The following TRABD2B variants were observed in gnomAD, a reference collection of about 807,000 sequenced individuals.
The protein encoded by TRABD2B is metalloprotease TIKI2.
Under a neutral mutation model 40.1 loss-of-function variants are expected in TRABD2B, and 14 were observed. The observed-to-expected ratio is 0.35, with a 90% confidence interval of 0.23 to 0.55. TRABD2B has a LOEUF of 0.55. Ranked by LOEUF, TRABD2B falls within the 20% of genes least tolerant of loss-of-function variation. TRABD2B has a pLI of 0.90. For missense variants in TRABD2B, 541 were observed against 648.6 expected, an observed-to-expected ratio of 0.83 and a Z score of 1.80; for synonymous variants, 263 against 277.0, an observed-to-expected ratio of 0.95 and a Z score of 0.50.
chr1:47,911,554 G>A (rs546310859), intron 2 of TRABD2B, among the ~76,000 whole-genome samples: 1 of 152,238 alleles, frequency 6.6e-6, no homozygotes, highest in Non-Finnish European at 1.5e-5. Context: ...AGTTCTGTAA[G>A]CGACACTCAC....
At chr1:47,866,135 C>T (rs1478658781) in intron 2 of TRABD2B, among the ~76,000 whole-genome samples, 1 of 151,932 alleles carries the variant, frequency 6.6e-6, no homozygotes, top group Non-Finnish European at 1.5e-5. Flanking sequence ...TGAGCCCTGT[C>T]CATGTGCTTG....
intron 2 of TRABD2B, among the ~76,000 whole-genome samples, chr1:47,939,084 C>G (rs189338173): frequency 1.3e-5 from 2 of 152,192 alleles, no homozygotes; most frequent in East Asian, 3.9e-4. Context: ...AGGAAGAGAA[C>G]GAGGATCACG....
intron 2 of TRABD2B, among the ~76,000 whole-genome samples, chr1:47,920,429 T>C (rs1296081374): frequency 6.6e-6 from 1 of 152,192 alleles, no homozygotes; most frequent in Non-Finnish European, 1.5e-5. Context: ...ATCAGAGCAC[T>C]TTCCATCCAA....
intron 2 of TRABD2B, among the ~76,000 whole-genome samples, chr1:47,983,758 A>AG: frequency 1.2e-5 from 1 of 86,142 alleles, no homozygotes; most frequent in East Asian, 3.0e-4. Context: ...CAAAAAAAGA[A>AG]AAAAAAAAAA....
chr1:47,779,861 T>C (rs1167140275), intron 4 of TRABD2B, among the ~76,000 whole-genome samples: 3 of 152,204 alleles, frequency 2.0e-5, no homozygotes, highest in Non-Finnish European at 2.9e-5. Flanking sequence ...AAGGTCAGCA[T>C]GCTGACAGCC....
At chr1:47,977,068 C>CTT (rs749710731) in intron 2 of TRABD2B, among the ~76,000 whole-genome samples, 12 of 136,636 alleles carry the variant, frequency 8.8e-5, no homozygotes, top group Admixed American at 2.2e-4. Context: ...AGGTTTAGTC[C>CTT]TTTTTTTTTT....
At chr1:47,827,697 C>T (rs1179324553) in intron 2 of TRABD2B, among the ~76,000 whole-genome samples, 1 of 152,092 alleles carries the variant, frequency 6.6e-6, no homozygotes, top group Non-Finnish European at 1.5e-5. Context: ...GGACAACCAC[C>T]AACACTTTGG....
At chr1:47,840,020 A>T (rs1182719990) in intron 2 of TRABD2B, among the ~76,000 whole-genome samples, 2 of 151,896 alleles carry the variant, frequency 1.3e-5, no homozygotes, top group Non-Finnish European at 2.9e-5. Context: ...GTTCCTGGAG[A>T]GTGTTTACCT....
intron 4 of TRABD2B, among the ~76,000 whole-genome samples, chr1:47,779,861 T>G (rs1167140275): frequency 6.6e-6 from 1 of 152,204 alleles, no homozygotes; most frequent in Non-Finnish European, 1.5e-5. Flanking sequence ...AAGGTCAGCA[T>G]GCTGACAGCC....
chr1:47,860,996 A>G (rs1386519164), intron 2 of TRABD2B, among the ~76,000 whole-genome samples: 1 of 152,218 alleles, frequency 6.6e-6, no homozygotes, highest in Admixed American at 6.5e-5. Context: ...GAAATGGACT[A>G]AGACAGGGTC....
intron 2 of TRABD2B, among the ~76,000 whole-genome samples, chr1:47,950,990 A>G (rs1645334668): frequency 6.6e-6 from 1 of 152,228 alleles, no homozygotes; most frequent in African/African-American, 2.4e-5. Context: ...AGTGCCCCAC[A>G]CAGAGCAGGC....
At chr1:47,992,046 C>G (rs1243925214) in intron 2 of TRABD2B, among the ~76,000 whole-genome samples, 3 of 152,160 alleles carry the variant, frequency 2.0e-5, no homozygotes, top group African/African-American at 7.2e-5. Context: ...ATTGGACACT[C>G]TGGCAGGTGG....
intron 2 of TRABD2B, among the ~76,000 whole-genome samples, chr1:47,849,728 G>A (rs1377808933): frequency 1.3e-5 from 2 of 152,176 alleles, no homozygotes; most frequent in Non-Finnish European, 2.9e-5. Context: ...GCTAAGTGAG[G>A]GGATGGGGTG....
intron 2 of TRABD2B, among the ~76,000 whole-genome samples, chr1:47,978,858 C>A (rs1272806706): frequency 6.6e-6 from 1 of 152,150 alleles, no homozygotes; most frequent in Non-Finnish European, 1.5e-5. Flanking sequence ...GAATGACCAG[C>A]AAACAGAAGC....
intron 2 of TRABD2B, among the ~76,000 whole-genome samples, chr1:47,846,414 C>T (rs1312282805): frequency 1.3e-5 from 2 of 152,166 alleles, no homozygotes; most frequent in Non-Finnish European, 2.9e-5. Flanking sequence ...GTGATATGTG[C>T]TCATCCAAGA....
intron 2 of TRABD2B, among the ~76,000 whole-genome samples, chr1:47,927,127 A>G (rs777179787): frequency 6.6e-6 from 1 of 152,190 alleles, no homozygotes; most frequent in Non-Finnish European, 1.5e-5. Context: ...ATGGCACAAG[A>G]TAAGAGATCA....
chr1:47,861,718 C>A (rs1178626611), intron 2 of TRABD2B, among the ~76,000 whole-genome samples: 1 of 152,182 alleles, frequency 6.6e-6, no homozygotes, highest in African/African-American at 2.4e-5. Flanking sequence ...GTCTCTAAAC[C>A]TCCTTCAGAA....
intron 2 of TRABD2B, among the ~76,000 whole-genome samples, chr1:47,948,962 A>G (rs1229364877): frequency 1.3e-5 from 2 of 152,198 alleles, no homozygotes; most frequent in Admixed American, 6.5e-5. Flanking sequence ...TGACAAATCT[A>G]TAAGACTAAT....
rs148193904 is a variant in TRABD2B, at chr1:47,853,816, G to A, written c.667-52197C>T. ...AAACCATAACAAGACTTCTAACTGG[G>A]GTCTCTGTTTCCCACCTCTTACTCT... On this transcript the variant is annotated intron_variant, in intron 2 of 6. Transcript: ENST00000606738. 7.9e-5 allele frequency among the ~76,000 whole-genome samples: 12 copies of A among 152,236 alleles called. No individual in the cohort carries two copies. The East Asian group carries it at 2.3e-3, about 29-fold the overall frequency.
Sources: gnomAD v4.1 joint callset for allele counts (sites outside exome capture counted in the v4.1 genomes callset) on GRCh38, gnomAD v4.1.1 for gene constraint, MANE v1.5 for transcripts, NCBI Gene and HGNC (gene_info 2026-07-23, HGNC 2026-07-21) for gene names.